The following DCLK1 variants were observed in gnomAD, a reference collection of about 807,000 sequenced individuals.
DCLK1 encodes the protein doublecortin like kinase 1.
In DCLK1, 16 loss-of-function variants were observed where a neutral mutation model predicts 86.2. The observed-to-expected ratio is 0.19, with a 90% CI of 0.13 to 0.28. The LOEUF is 0.28. Among genes scored for constraint, DCLK1 ranks in the 10% least tolerant of loss-of-function variants. The pLI is 1.00. For synonymous variants in DCLK1, 369 were observed against 370.5 expected (o/e 1.00, Z 0.05); for missense variants, 590 against 940.2 (o/e 0.63, Z 4.87).
intron 3 of DCLK1, among the ~76,000 whole-genome samples, chr13:35,997,293 T>C (rs1160571889): frequency 6.6e-6 from 1 of 152,248 alleles, no homozygotes; most frequent in Non-Finnish European, 1.5e-5. Context: ...CTAATGAAGA[T>C]AGGCCCCAAT....
chr13:35,786,515 C>T (rs1388248407), intron 16 of DCLK1, among the ~76,000 whole-genome samples: 1 of 152,140 alleles, frequency 6.6e-6, no homozygotes, highest in Non-Finnish European at 1.5e-5. Context: ...GGTGAAGTGA[C>T]CCCTCCTGGA....
intron 3 of DCLK1, among the ~76,000 whole-genome samples, chr13:35,967,536 G>C (rs879132964): frequency 6.6e-6 from 1 of 152,144 alleles, no homozygotes; most frequent in East Asian, 1.9e-4. Flanking sequence ...CCTCAACCCC[G>C]TGCTCTCTGA....
At chr13:35,969,765 G>A (rs1188107560) in intron 3 of DCLK1, among the ~76,000 whole-genome samples, 2 of 152,110 alleles carry the variant, frequency 1.3e-5, no homozygotes, top group Non-Finnish European at 2.9e-5. Flanking sequence ...AAATGCTTGT[G>A]TTCCCCCTAG....
chr13:36,099,368 C>T (rs926911308), intron 3 of DCLK1, among the ~76,000 whole-genome samples: 4 of 152,276 alleles, frequency 2.6e-5, no homozygotes, highest in South Asian at 2.1e-4. Context: ...TACAGTGTTT[C>T]GGCAGTCACA....
chr13:36,129,243 T>G (rs1231460612), intron 1 of DCLK1, among the ~76,000 whole-genome samples: 1 of 152,214 alleles, frequency 6.6e-6, no homozygotes, highest in Non-Finnish European at 1.5e-5. Flanking sequence ...TGGCAATAGT[T>G]AGAATTCCCT....
chr13:35,933,633 C>A (rs1277331575), intron 4 of DCLK1, among the ~76,000 whole-genome samples: 1 of 152,234 alleles, frequency 6.6e-6, no homozygotes, highest in Non-Finnish European at 1.5e-5. Context: ...CTGAGCTCTA[C>A]ATTACCCCTT....
At chr13:35,789,098 A>G (rs1302524113) in intron 16 of DCLK1, among the ~76,000 whole-genome samples, 2 of 152,188 alleles carry the variant, frequency 1.3e-5, no homozygotes, top group African/African-American at 4.8e-5. Context: ...ACCTGGGGAT[A>G]AAAGATTCAA....
At chr13:35,848,333 C>T (rs1870363292) in intron 6 of DCLK1, 1 of 984,842 alleles carries the variant, frequency 1.0e-6, no homozygotes, top group African/African-American at 1.7e-5. Flanking sequence ...TTTATTTCTG[C>T]TTTAGTTTAA....
chr13:35,892,357 T>C (rs557272397), intron 4 of DCLK1, among the ~76,000 whole-genome samples: 1 of 152,234 alleles, frequency 6.6e-6, no homozygotes, highest in African/African-American at 2.4e-5. Flanking sequence ...TAACCCCCAC[T>C]GTATGAGTCA....
At chr13:36,005,463 A>G (rs995013641) in intron 3 of DCLK1, among the ~76,000 whole-genome samples, 2 of 152,274 alleles carry the variant, frequency 1.3e-5, no homozygotes, top group Non-Finnish European at 2.9e-5. Context: ...CTTGAAAGGC[A>G]TATGTCAAAC....
chr13:35,924,365 T>A (rs1257060021), intron 4 of DCLK1, among the ~76,000 whole-genome samples: 1 of 152,210 alleles, frequency 6.6e-6, no homozygotes, highest in East Asian at 1.9e-4. Flanking sequence ...AATGGAAGGC[T>A]TAGGCCGGGC....
intron 2 of DCLK1, 90 bp from the exon 3 acceptor site, chr13:36,112,305 G>A: frequency 9.9e-7 from 1 of 1,013,710 alleles, no homozygotes; most frequent in Non-Finnish European, 1.4e-6. Context: ...TTTCTGCTTA[G>A]GGGCAAGAGC....
In DCLK1 at chr13:36,051,422, G is replaced by T. The variant is rs1258044707; in HGVS notation, c.723+60447C>A. Among the ~76,000 whole-genome samples, 6 of 152,006 alleles carry T rather than the reference G, an allele frequency of 3.9e-5. No individual in the cohort carries two copies. In the South Asian group the frequency reaches 6.2e-4, roughly 16 times the overall value. On this transcript the variant is annotated intron_variant, in intron 3 of 16. Coordinates refer to ENST00000360631, the MANE Select transcript of DCLK1 (RefSeq NM_001330071.2). ...ATATTCACACTTTCAGATGCCAAAAGATTATTTTCCTTTATGTACAAGTCA... is the reference window on the plus strand; with the variant it reads ...ATATTCACACTTTCAGATGCCAAAATATTATTTTCCTTTATGTACAAGTCA...
intron 3 of DCLK1, among the ~76,000 whole-genome samples, chr13:36,088,428 C>T (rs1373857119): frequency 6.6e-6 from 1 of 152,222 alleles, no homozygotes; most frequent in Non-Finnish European, 1.5e-5. Context: ...AGTCTTAAGG[C>T]TGTTCTCTCA....
intron 11 of DCLK1, among the ~76,000 whole-genome samples, chr13:35,817,178 G>T (rs953084479): frequency 1.3e-5 from 2 of 152,160 alleles, no homozygotes; most frequent in Admixed American, 6.5e-5. Context: ...GTGACACAAG[G>T]TGAAAATCAA....
In DCLK1 at chr13:35,821,286, T is replaced by C. The variant is rs373292224; in HGVS notation, c.1554+1443A>G. Among the ~76,000 whole-genome samples the C allele has an allele frequency of 3.4e-4, 52 of 152,354 alleles. No individual in the cohort carries two copies. In the South Asian group the frequency reaches 0.011, roughly 32 times the overall value. On this transcript the variant is annotated intron_variant, in intron 11 of 16. Coordinates refer to ENST00000360631, the MANE Select transcript of DCLK1 (RefSeq NM_001330071.2). Reference sequence around the variant, plus strand: ...CAAGTACATAGATGGTTCTCCATCATGGCGGATCTTACTAGCTTTTATTTG... The same window carrying C: ...CAAGTACATAGATGGTTCTCCATCACGGCGGATCTTACTAGCTTTTATTTG...
intron 3 of DCLK1, among the ~76,000 whole-genome samples, chr13:35,998,151 A>C (rs1880553547): frequency 6.6e-6 from 1 of 152,206 alleles, no homozygotes; most frequent in South Asian, 2.1e-4. Context: ...TCTGAATAAA[A>C]TTAAGAAGTA....
At chr13:35,847,274 A>G in intron 6 of DCLK1, 1 of 985,270 alleles carries the variant, frequency 1.0e-6, no homozygotes, top group Non-Finnish European at 1.2e-6. Flanking sequence ...CTGCTTTTTA[A>G]TTTAAACATG....
At chr13:36,054,666 G>T (rs777238377) in intron 3 of DCLK1, among the ~76,000 whole-genome samples, 1 of 152,178 alleles carries the variant, frequency 6.6e-6, no homozygotes, top group Admixed American at 6.5e-5. Flanking sequence ...ATCAGGAAAG[G>T]CCTCTATGAG....
Sources: allele counts gnomAD v4.1 joint callset (sites outside exome capture counted in the v4.1 genomes callset), GRCh38; gene constraint gnomAD v4.1.1; transcripts MANE v1.5; gene names NCBI Gene and HGNC (gene_info 2026-07-23, HGNC 2026-07-21).